Variants in C6orf62 observed in about 807,000 individuals in gnomAD.
C6orf62 encodes the protein chromosome 6 open reading frame 62.
C6orf62 carries 16 observed loss-of-function variants against 26.8 expected under a neutral mutation model. The observed-to-expected ratio is 0.60, with a 90% CI of 0.40 to 0.91. The LOEUF (loss-of-function observed/expected upper bound fraction) is 0.91. C6orf62 is among the 40% of genes least tolerant of loss of function. The probability of loss-of-function intolerance (pLI) is 0.00; values close to 1 mark genes in which losing one functional copy is unlikely to be tolerated. For synonymous variants in C6orf62, 112 were observed against 91.5 expected (o/e 1.22, Z -1.28); for missense variants, 192 against 271.4 (o/e 0.71, Z 2.06).
At chr6:24,706,550 A>T (rs1779013038) in intron 4 of C6orf62, among the ~76,000 whole-genome samples, 1 of 152,206 alleles carries the variant, frequency 6.6e-6, no homozygotes. Context: ...GTTTGAAGTC[A>T]TTTTTATATA....
At chr6:24,717,345 T>G (rs375877157) in intron 1 of C6orf62, among the ~76,000 whole-genome samples, 1 of 152,214 alleles carries the variant, frequency 6.6e-6, no homozygotes, top group South Asian at 2.1e-4. Context: ...TCTCATCAAT[T>G]TTGAGTCAGC....
upstream of C6orf62, chr6:24,720,677 A>T (rs1779340728): frequency 6.5e-6 from 1 of 152,816 alleles, no homozygotes. Context: ...CTACAGTCGG[A>T]TTCCGGCTCT....
At chr6:24,717,084 A>C (rs1779248873) in intron 1 of C6orf62, among the ~76,000 whole-genome samples, 1 of 151,996 alleles carries the variant, frequency 6.6e-6, no homozygotes, top group African/African-American at 2.4e-5. Context: ...AATACTACTC[A>C]AGACCAAGTA....
At chr6:24,720,270 T>TGGCGGC (rs1008701467), upstream of C6orf62, 8 of 1,294,452 alleles carry the variant, frequency 6.2e-6, no homozygotes, top group Admixed American at 3.9e-5. Flanking sequence ...GGCGGAGCGG[T>TGGCGGC]GGCGGCGGCG....
In C6orf62 at chr6:24,706,227, G is replaced by A. The variant is rs1779006802; in HGVS notation, c.600C>T (p.Cys200=). The change falls in exon 5 of 5, where the codon TGC becomes TGT. Residue 200 remains cysteine, a synonymous_variant. Coordinates refer to ENST00000378119, the MANE Select transcript of C6orf62 (RefSeq NM_030939.5). ...CCTGTGGCAGGTAGAGGCAGATGCT[G>A]CATAACTTGAAGATTGTAGCTTTGT... The part of the protein sequence containing the change: ...PKNKATIFKL[C]SICLYLPQEQ... 17 of 1,614,192 alleles carry A rather than the reference G, an allele frequency of 1.1e-5. No individual in the cohort carries two copies. Among genetic ancestry groups the A allele is most frequent in the Non-Finnish European group, 1.4e-5 (16 of 1,180,032 alleles).
At chr6:24,707,731 C>T (rs993848414) in intron 4 of C6orf62, among the ~76,000 whole-genome samples, 2 of 151,844 alleles carry the variant, frequency 1.3e-5, no homozygotes, top group African/African-American at 2.4e-5. Context: ...CAGCCGGTTG[C>T]GGTGGCTCAC....
chr6:24,708,712 A>C, intron 4 of C6orf62, 65 bp downstream of exon 4: 1 of 1,595,450 alleles, frequency 6.3e-7, no homozygotes, highest in Non-Finnish European at 8.6e-7. Flanking sequence ...ACTTGTATAT[A>C]AAACGTTTAC....
chr6:24,715,692 CAAA>C (rs1227572633), intron 2 of C6orf62, among the ~76,000 whole-genome samples: 1 of 151,606 alleles, frequency 6.6e-6, no homozygotes, highest in Non-Finnish European at 1.5e-5. Flanking sequence ...ACTAAAAACA[CAAA>C]AAATTAGCCA....
At chr6:24,719,792 G>C (rs1308952734), upstream of C6orf62, 10 of 1,547,100 alleles carry the variant, frequency 6.5e-6, no homozygotes, top group Non-Finnish European at 7.0e-6. Context: ...GGCGGTGCCC[G>C]GAGACCACCT....
At chr6:24,717,936 T>C (rs1779266888) in intron 1 of C6orf62, among the ~76,000 whole-genome samples, 1 of 152,226 alleles carries the variant, frequency 6.6e-6, no homozygotes, top group African/African-American at 2.4e-5. Flanking sequence ...CCACCGCCCC[T>C]AAAAATGAAA....
rs768859161 is a variant in C6orf62 at position 24,705,464 on chromosome 6, AC to A, written c.*672del. 2 of 152,664 alleles carry A rather than the reference AC, an allele frequency of 1.3e-5. No homozygotes were observed. Among genetic ancestry groups the A allele is most frequent in the Non-Finnish European group, 2.9e-5 (2 of 68,046 alleles). The allele number at this position is 152,664 out of a possible 1,614,324, so 9.5% of individuals were successfully genotyped here. On this transcript the variant is annotated 3_prime_UTR_variant, in exon 5 of 5. Transcript: ENST00000378119. ...CTTTAATGTGTATAACTGCATCCAC[AC>A]GCAGCAGAATACTCTTACAATAGCA...
intron 3 of C6orf62, among the ~76,000 whole-genome samples, 154 bp downstream of exon 3, chr6:24,714,164 T>C (rs1779177972): frequency 6.6e-6 from 1 of 152,208 alleles, no homozygotes; most frequent in African/African-American, 2.4e-5. Flanking sequence ...ATCCAAACGC[T>C]TTCTTCTCTT....
At chr6:24,712,607 AGAGGTTGCAAGGAGGAG>A (rs1291913932) in intron 3 of C6orf62, among the ~76,000 whole-genome samples, 1 of 148,618 alleles carries the variant, frequency 6.7e-6, no homozygotes, top group East Asian at 2.0e-4. Context: ...AGGCGGAGGC[AGAGGTTGCAAGGAGGAG>A]GAGGTTGCAG....
At chr6:24,713,094 C>G (rs900686345) in intron 3 of C6orf62, among the ~76,000 whole-genome samples, 21 of 152,034 alleles carry the variant, frequency 1.4e-4, no homozygotes, top group African/African-American at 4.8e-4. Flanking sequence ...CTGATAAACC[C>G]AGTGTAAGTT....
chr6:24,718,337 C>A (rs946883912), intron 1 of C6orf62, among the ~76,000 whole-genome samples: 3 of 152,204 alleles, frequency 2.0e-5, no homozygotes, highest in African/African-American at 7.2e-5. Context: ...TATTTCCAAA[C>A]CAAAGAACGC....
At chr6:24,706,351 A>G in intron 4 of C6orf62, 89 bp from the exon 5 acceptor site, 1 of 1,524,106 alleles carries the variant, frequency 6.6e-7, no homozygotes, top group Non-Finnish European at 8.8e-7. Flanking sequence ...TTTATTAAAC[A>G]TCTTAACATA....
At chr6:24,719,410 T>C (rs771805317), upstream of C6orf62, 3 of 1,029,352 alleles carry the variant, frequency 2.9e-6, no homozygotes, top group Non-Finnish European at 3.5e-6. Flanking sequence ...AGGGTTTCCC[T>C]GCAATCAACT....
chr6:24,706,457 T>C lies in C6orf62; in HGVS notation c.565-195A>G, dbSNP rs542174733. ...GAAAAATTTATGCAGAATTAGAAGA[T>C]AAAAAGTTAGGGAAGTAAACCAGAG... On this transcript the variant is annotated intron_variant, in intron 4 of 4. Coordinates refer to ENST00000378119, the MANE Select transcript of C6orf62 (RefSeq NM_030939.5). 2.6e-5 allele frequency among the ~76,000 whole-genome samples: 4 copies of C among 152,220 alleles called. No homozygotes were observed. The South Asian group carries it at 6.2e-4, about 24-fold the overall frequency.
upstream of C6orf62, chr6:24,719,348 G>A (rs1779305630): frequency 4.0e-6 from 4 of 1,001,900 alleles, no homozygotes; most frequent in African/African-American, 1.7e-5. Flanking sequence ...TACACTTGGT[G>A]GTGAGCATAG....
Sources: gnomAD v4.1 joint callset for allele counts (sites outside exome capture counted in the v4.1 genomes callset) on GRCh38, gnomAD v4.1.1 for gene constraint, MANE v1.5 for transcripts, NCBI Gene and HGNC (gene_info 2026-07-23, HGNC 2026-07-21) for gene names.